Variants in BOLA3 observed in about 807,000 individuals in gnomAD.
BOLA3 encodes bolA family member 3.
BOLA3 carries 8 observed loss-of-function variants against 14.5 expected under a neutral mutation model. The ratio of observed to expected loss-of-function variants is 0.55; its 90% CI spans 0.32 to 0.99. BOLA3 has a LOEUF of 0.99. BOLA3 is among the 50% of genes least tolerant of loss of function. The pLI, the probability that BOLA3 is intolerant of heterozygous loss-of-function variation, is 0.04. For missense variants in BOLA3, 115 were observed against 138.2 expected (o/e 0.83, Z 0.84); for synonymous variants, 42 against 45.7 (o/e 0.92, Z 0.33).
chr2:74,147,615 G>T (rs1572945668), intron 1 of BOLA3: 3 of 627,896 alleles, frequency 4.8e-6, no homozygotes, highest in Admixed American at 2.5e-5. Context: ...CCTAGAGCGC[G>T]CCAGAGCTTG....
intron 3 of BOLA3, among the ~76,000 whole-genome samples, chr2:74,139,331 G>A (rs1306121668): frequency 6.6e-6 from 1 of 152,050 alleles, no homozygotes; most frequent in Non-Finnish European, 1.5e-5. Context: ...GCTTCACCCC[G>A]TCAGGACACC....
intron 3 of BOLA3, among the ~76,000 whole-genome samples, chr2:74,139,855 T>G (rs1692405727): frequency 6.6e-6 from 1 of 152,198 alleles, no homozygotes; most frequent in Non-Finnish European, 1.5e-5. Flanking sequence ...TAACTCAGGA[T>G]GCAGCTGCTC....
intron 3 of BOLA3, among the ~76,000 whole-genome samples, chr2:74,139,651 C>A (rs766567997): frequency 8.5e-5 from 13 of 152,202 alleles, no homozygotes; most frequent in Non-Finnish European, 1.9e-4. Context: ...AGACTTAAAT[C>A]ATCTAAAATT....
intron 2 of BOLA3, among the ~76,000 whole-genome samples, chr2:74,144,500 C>T (rs973770233): frequency 3.9e-5 from 6 of 152,164 alleles, no homozygotes; most frequent in African/African-American, 1.4e-4. Context: ...GCCCACGCCA[C>T]GGGCCGTTCT....
At chr2:74,146,019 G>A (rs1692536252) in intron 1 of BOLA3, 2 of 149,884 alleles carry the variant, frequency 1.3e-5, no homozygotes, top group African/African-American at 5.0e-5. Flanking sequence ...TTGAGACAGA[G>A]TTTTGCTCTG....
At chr2:74,136,673 C>T (rs746094433) in intron 3 of BOLA3, among the ~76,000 whole-genome samples, 3 of 152,128 alleles carry the variant, frequency 2.0e-5, no homozygotes, top group Non-Finnish European at 2.9e-5. Context: ...GCATAGTATT[C>T]CATTATATGA....
At chr2:74,146,815 C>A (rs1692553791) in intron 1 of BOLA3, 1 of 152,480 alleles carries the variant, frequency 6.6e-6, no homozygotes, top group South Asian at 2.1e-4. Context: ...CATCCCAGAG[C>A]TGACCCCAGG....
intron 2 of BOLA3, among the ~76,000 whole-genome samples, chr2:74,144,467 T>G (rs1308319207): frequency 6.6e-6 from 1 of 152,242 alleles, no homozygotes; most frequent in Non-Finnish European, 1.5e-5. Flanking sequence ...TATGGAGAGA[T>G]TCAGACTGAT....
At chr2:74,138,713 G>T (rs1000827355) in intron 3 of BOLA3, among the ~76,000 whole-genome samples, 2 of 152,194 alleles carry the variant, frequency 1.3e-5, no homozygotes, top group African/African-American at 4.8e-5. Context: ...AGACATTGGT[G>T]GAGGCGCCTT....
At chr2:74,142,738 C>A (rs116261277) in intron 2 of BOLA3, among the ~76,000 whole-genome samples, 7 of 152,202 alleles carry the variant, frequency 4.6e-5, no homozygotes, top group African/African-American at 1.7e-4. Flanking sequence ...TTCCAAAGGA[C>A]CAACAATCAG....
chr2:74,145,475 G>A (rs1692526791), intron 1 of BOLA3, 172 bp from the exon 2 acceptor site: 1 of 645,254 alleles, frequency 1.5e-6, no homozygotes, highest in East Asian at 2.8e-5. Context: ...GTCCATGTAA[G>A]TGCCCCAAAA....
intron 3 of BOLA3, among the ~76,000 whole-genome samples, chr2:74,138,772 G>A (rs1328011950): frequency 2.6e-5 from 4 of 152,140 alleles, no homozygotes; most frequent in Non-Finnish European, 4.4e-5. Context: ...GCAGGGAGAC[G>A]GCAACAGCTG....
chr2:74,147,791 G>A (rs1692574914), intron 1 of BOLA3, 30 bp downstream of exon 1: 3 of 1,529,902 alleles, frequency 2.0e-6, no homozygotes, highest in African/African-American at 2.8e-5. Context: ...CCGTCCCGGG[G>A]AGAGCAGCCC....
At chr2:74,144,141 G>A in intron 2 of BOLA3, among the ~76,000 whole-genome samples, 1 of 151,254 alleles carries the variant, frequency 6.6e-6, no homozygotes, top group Non-Finnish European at 1.5e-5. Context: ...GAGTAGCTGG[G>A]ACTACAGGCG....
chr2:74,138,637 G>A (rs1558820597), intron 3 of BOLA3, among the ~76,000 whole-genome samples: 1 of 152,244 alleles, frequency 6.6e-6, no homozygotes, highest in Non-Finnish European at 1.5e-5. Flanking sequence ...GGCAATCCCA[G>A]GCTAGGAAGA....
intron 2 of BOLA3, 112 bp from the exon 3 acceptor site, chr2:74,142,472 C>T (rs1692453958): frequency 5.8e-6 from 5 of 860,380 alleles, no homozygotes. Flanking sequence ...TCATTCAGCA[C>T]AAAGGAAAGT....
chr2:74,142,180 CT>C, intron 3 of BOLA3, 91 bp downstream of exon 3: 2 of 934,052 alleles, frequency 2.1e-6, no homozygotes, highest in South Asian at 1.3e-5. Flanking sequence ...TTATTCTCTC[CT>C]GCAACTGACG....
At chr2:74,146,017 G>C (rs1483192718) in intron 1 of BOLA3, 1 of 149,610 alleles carries the variant, frequency 6.7e-6, no homozygotes, top group Admixed American at 6.7e-5. Flanking sequence ...TTTTGAGACA[G>C]AGTTTTGCTC....
chr2:74,139,883 G>A (rs376427494), intron 3 of BOLA3, among the ~76,000 whole-genome samples: 6 of 152,298 alleles, frequency 3.9e-5, no homozygotes, highest in South Asian at 2.1e-4. Context: ...AGTGGCTCAC[G>A]CCTGTAATCC....
Sources: allele counts gnomAD v4.1 joint callset (sites outside exome capture counted in the v4.1 genomes callset), GRCh38; gene constraint gnomAD v4.1.1; transcripts MANE v1.5; gene names NCBI Gene and HGNC (gene_info 2026-07-23, HGNC 2026-07-21).